ACSM4: variants seen among roughly 807,000 people sequenced by gnomAD.
ACSM4 encodes acyl-coenzyme A synthetase ACSM4, mitochondrial.
Under a neutral mutation model 73.0 loss-of-function variants are expected in ACSM4, and 66 were observed. The observed-to-expected ratio is 0.90, with a 90% confidence interval of 0.74 to 1.11. The LOEUF (loss-of-function observed/expected upper bound fraction) is 1.11, where lower values mean the gene tolerates loss of function less well. ACSM4 is among the 50% of genes least tolerant of loss of function. ACSM4 has a pLI of 0.00. For missense variants in ACSM4, 645 were observed against 714.4 expected (o/e 0.90, Z 1.11); for synonymous variants, 222 against 254.0 (o/e 0.87, Z 1.20).
intron 3 of ACSM4, among the ~76,000 whole-genome samples, chr12:7,314,485 G>A (rs1946407179): frequency 6.6e-6 from 1 of 152,144 alleles, no homozygotes; most frequent in South Asian, 2.1e-4. Flanking sequence ...AGATTGTGAT[G>A]CTTTTTCTTT....
intron 11 of ACSM4, 102 bp downstream of exon 11, chr12:7,324,700 T>G: frequency 7.6e-7 from 1 of 1,314,874 alleles, no homozygotes; most frequent in Middle Eastern, 1.9e-4. Context: ...CTATTAATTC[T>G]CGTTATGAAG....
intron 3 of ACSM4, among the ~76,000 whole-genome samples, chr12:7,316,055 C>T (rs1946418675): frequency 6.6e-6 from 1 of 152,242 alleles, no homozygotes; most frequent in African/African-American, 2.4e-5. Context: ...CATGAGATCA[C>T]CCCAGATTCA....
chr12:7,322,383 C>G, intron 6 of ACSM4, 35 bp from the exon 7 acceptor site: 1 of 1,612,440 alleles, frequency 6.2e-7, no homozygotes, highest in East Asian at 2.2e-5. Flanking sequence ...ACTCAGGTTC[C>G]TCTTGAAAAG....
At position 7,318,146 on chromosome 12, in the gene ACSM4, T is replaced by G; in HGVS notation, c.885T>G (p.His295Gln). 1 of 1,613,702 alleles carries G rather than the reference T, an allele frequency of 6.2e-7. No individual in the cohort carries two copies. ...TGTGTGGAGCCTGTGTTTTTGTGCATCGAATGGCACAGTTTGACACTGACA... is the reference window on the plus strand; with the variant it reads ...TGTGTGGAGCCTGTGTTTTTGTGCAGCGAATGGCACAGTTTGACACTGACA... ...SWLCGACVFV[H>Q]RMAQFDTDTF... The change falls in exon 5 of 13, where the codon CAT becomes CAG. Residue 295 changes from histidine to glutamine, a missense_variant. By Grantham distance (24) the His-to-Gln change is conservative. Transcript: ENST00000399422.
chr12:7,325,485 A>G (rs537007948), intron 11 of ACSM4, among the ~76,000 whole-genome samples: 67 of 152,292 alleles, frequency 4.4e-4, no homozygotes, highest in Non-Finnish European at 8.1e-4. Context: ...TGTCTCTACT[A>G]AAAATACAAA....
intron 5 of ACSM4, among the ~76,000 whole-genome samples, chr12:7,318,680 G>A (rs1419776223): frequency 2.0e-5 from 3 of 152,160 alleles, no homozygotes; most frequent in Non-Finnish European, 2.9e-5. Context: ...GGGCATGCAT[G>A]CCCTGTCTTC....
At chr12:7,312,496 A>T (rs1488782540) in intron 3 of ACSM4, among the ~76,000 whole-genome samples, 2 of 152,208 alleles carry the variant, frequency 1.3e-5, no homozygotes, top group African/African-American at 4.8e-5. Context: ...AGACATGCAA[A>T]CCCTGCTGAA....
intron 2 of ACSM4, among the ~76,000 whole-genome samples, chr12:7,309,929 G>A (rs192468703): frequency 3.0e-4 from 46 of 152,174 alleles, no homozygotes; most frequent in African/African-American, 9.9e-4. Context: ...GACTATAGGC[G>A]TGCGCCACCA....
chr12:7,316,519 CTTAGA>C (rs1350214087), intron 3 of ACSM4, among the ~76,000 whole-genome samples: 7 of 152,168 alleles, frequency 4.6e-5, no homozygotes, highest in Non-Finnish European at 1.0e-4. Context: ...CTGTGACTGG[CTTAGA>C]TTAATCAAGA....
intron 6 of ACSM4, among the ~76,000 whole-genome samples, chr12:7,321,355 T>TATA (rs1946462197): frequency 6.6e-6 from 1 of 152,344 alleles, no homozygotes; most frequent in South Asian, 2.1e-4. Flanking sequence ...TTGCAATGTA[T>TATA]ATTTGTTTAA....
rs1946477996 is a variant in ACSM4 at position 7,323,261 on chromosome 12, C to A, written c.1153C>A (p.Gln385Lys). Residue 385 changes from glutamine (Q) to lysine (K), a missense_variant, in exon 8 of 13, where the codon CAA becomes AAA. Gln to Lys is a moderately conservative substitution (Grantham distance 53). Transcript: ENST00000399422. ...VGMICANQKG[Q>K]EIKPGSMGKG... ...AATGATTTGTGCCAATCAGAAAGGCCAAGAAATTAAACCAGGTTCAATGGG... is the reference window on the plus strand; with the variant it reads ...AATGATTTGTGCCAATCAGAAAGGCAAAGAAATTAAACCAGGTTCAATGGG... 6.2e-7 allele frequency: 1 copy of A among 1,610,346 alleles called. No homozygotes were observed. The highest frequency in any genetic ancestry group is 1.7e-5 in the Admixed American group (1 of 59,596).
In ACSM4 at chr12:7,320,767, A is replaced by G. The variant is rs1404292216; in HGVS notation, c.964A>G (p.Thr322Ala). 6.2e-7 allele frequency: 1 copy of G among 1,613,660 alleles called. No homozygotes were observed. The highest frequency in any genetic ancestry group is 1.1e-5 in the South Asian group (1 of 91,068). Residue 322 changes from threonine to alanine, a missense_variant, in exon 6 of 13, where the codon ACT (threonine) becomes GCT (alanine). Thr to Ala is a moderately conservative substitution (Grantham distance 58). Coordinates refer to ENST00000399422, the MANE Select transcript of ACSM4 (RefSeq NM_001080454.2). ...YPITTLCSPPTVYRMLVQKDL... is the reference protein window; with the variant it reads ...YPITTLCSPPAVYRMLVQKDL... ...CATCACGACCCTGTGCAGTCCTCCC[A>G]CTGTGTACCGGATGCTCGTGCAAAA...
intron 5 of ACSM4, among the ~76,000 whole-genome samples, chr12:7,320,499 G>T (rs1265182270): frequency 6.6e-6 from 1 of 152,204 alleles, no homozygotes; most frequent in Admixed American, 6.5e-5. Context: ...GATTGTGTAT[G>T]TCTGTTACTG....
intron 2 of ACSM4, among the ~76,000 whole-genome samples, chr12:7,307,168 C>T (rs546703652): frequency 1.8e-4 from 27 of 152,202 alleles, no homozygotes; most frequent in Non-Finnish European, 3.2e-4. Flanking sequence ...GCAGGAGAAT[C>T]GCGTGAACCC....
At position 7,304,284 on chromosome 12, in the gene ACSM4, C is replaced by G. The variant is rs1029540352; in HGVS notation, c.-48C>G. On this transcript the variant is annotated 5_prime_UTR_variant, in exon 1 of 13. Transcript: ENST00000399422. ...CTCTCTATCCATCTCTCCCTACAGG[C>G]TGTAGTACTTCTGTGTCCATAGCAG... is the stretch of plus-strand genomic sequence containing the variant. 1.2e-5 allele frequency: 18 copies of G among 1,561,430 alleles called. No homozygotes were observed. Among genetic ancestry groups the G allele is most frequent in the Middle Eastern group, 1.7e-4 (1 of 5,974 alleles).
rs73270528 is a variant in ACSM4, at chr12:7,322,603, A to G, written c.1125+62A>G. ...GGGCCTTTCTGCCCCAGGTTTTTCA[A>G]CTGAGCCCCTGAAGTGCCCCCATCC... On this transcript the variant is annotated intron_variant, in intron 7 of 12. Transcript: ENST00000399422. The G allele has an allele frequency of 5.5e-3, 8,535 of 1,539,464 alleles. 412 individuals carry two copies. In the African/African-American group the frequency reaches 0.1, roughly 18 times the overall value.
chr12:7,306,203 C>T (rs140368755), intron 1 of ACSM4, among the ~76,000 whole-genome samples: 3 of 152,336 alleles, frequency 2.0e-5, no homozygotes, highest in South Asian at 2.1e-4. Context: ...TGCGTAAGCA[C>T]GAATAACCCA....
Position 7,310,719 on chromosome 12 carries a change from G to C in ACSM4, c.593G>C (p.Gly198Ala), listed in dbSNP as rs956985355. Residue 198 changes from glycine to alanine, a missense_variant, in exon 3 of 13, where the codon GGG (glycine) becomes GCG (alanine). Transcript: ENST00000399422. ...KLLVSPQSWN[G>A]WLSFQELFQF... ...CTGGTGTCTCCACAAAGCTGGAATG[G>C]GTGGCTCAGCTTCCAGGAGTTATTT... The C allele has an allele frequency of 1.9e-6, 3 of 1,613,358 alleles. No homozygotes were observed. The highest frequency in any genetic ancestry group is 2.7e-5 in the African/African-American group (2 of 75,014).
intron 11 of ACSM4, 58 bp downstream of exon 11, chr12:7,324,656 G>T: frequency 6.4e-7 from 1 of 1,568,918 alleles, no homozygotes; most frequent in South Asian, 1.1e-5. Flanking sequence ...CTGTCCATTT[G>T]ACCACTGTAA....
Sources: gnomAD v4.1 joint callset for allele counts (sites outside exome capture counted in the v4.1 genomes callset) on GRCh38, gnomAD v4.1.1 for gene constraint, MANE v1.5 for transcripts, NCBI Gene and HGNC (gene_info 2026-07-23, HGNC 2026-07-21) for gene names.